TCF20: variants seen among roughly 807,000 people sequenced by gnomAD.
TCF20 encodes the protein SPRE-binding protein.
A neutral mutation model predicts 148.6 loss-of-function variants in TCF20; 3 were observed. That is an observed-to-expected ratio of 0.02 (90% CI 0.01 to 0.05). TCF20 has a LOEUF of 0.05. Ranked by LOEUF, TCF20 falls within the 10% of genes least tolerant of loss-of-function variation. The pLI, the probability that TCF20 is intolerant of heterozygous loss-of-function variation, is 1.00. For missense variants in TCF20, 2,350 were observed against 2,429.3 expected (o/e 0.97, Z 0.69); for synonymous variants, 1,049 against 909.5 (o/e 1.15, Z -2.76).
At chr22:42,227,660 A>G (rs149680644) in intron 1 of TCF20, among the ~76,000 whole-genome samples, 1 of 152,182 alleles carries the variant, frequency 6.6e-6, no homozygotes, top group Non-Finnish European at 1.5e-5. Context: ...GTGTCAATCA[A>G]TCTGGAATAG....
intron 1 of TCF20, among the ~76,000 whole-genome samples, chr22:42,326,089 G>C (rs1287389736): frequency 6.6e-6 from 1 of 151,986 alleles, no homozygotes; most frequent in Non-Finnish European, 1.5e-5. Context: ...GGGTCCCTTT[G>C]GTGAAGGAGC....
intron 2 of TCF20, among the ~76,000 whole-genome samples, chr22:42,182,158 T>C (rs1936809637): frequency 6.6e-6 from 1 of 152,216 alleles, no homozygotes; most frequent in Admixed American, 6.5e-5. Flanking sequence ...TGGGTGCTGC[T>C]GTAGAAGGGT....
upstream of TCF20, among the ~76,000 whole-genome samples, chr22:42,285,501 A>G (rs1927012176): frequency 6.6e-6 from 1 of 152,174 alleles, no homozygotes; most frequent in African/African-American, 2.4e-5. The surrounding 1 kb of genome is among the most constrained non-coding windows in gnomAD (Gnocchi z 4.2). Context: ...CATGGTACAG[A>G]ATCCACAGGA....
At chr22:42,252,969 G>A (rs971554373) in intron 1 of TCF20, among the ~76,000 whole-genome samples, 3 of 151,782 alleles carry the variant, frequency 2.0e-5, no homozygotes, top group Non-Finnish European at 4.4e-5. Flanking sequence ...GAAGTATATA[G>A]TATATATTTT....
intron 1 of TCF20, among the ~76,000 whole-genome samples, chr22:42,337,191 T>C (rs1928081920): frequency 6.6e-6 from 1 of 152,084 alleles, no homozygotes; most frequent in Admixed American, 6.6e-5. Flanking sequence ...GCCCTGACAC[T>C]GGGGTGCCTC....
intron 1 of TCF20, among the ~76,000 whole-genome samples, chr22:42,306,944 C>T (rs1927444582): frequency 6.6e-6 from 1 of 150,812 alleles, no homozygotes; most frequent in African/African-American, 2.4e-5. Flanking sequence ...GATGCTGAGG[C>T]ACGAGAATCG....
intron 1 of TCF20, among the ~76,000 whole-genome samples, chr22:42,247,793 T>C (rs2147336492): frequency 6.6e-6 from 1 of 152,288 alleles, no homozygotes; most frequent in Admixed American, 6.5e-5. Flanking sequence ...TTTAAACCAC[T>C]ACCAATCTCT....
chr22:42,228,341 A>G (rs1923095444), intron 1 of TCF20, among the ~76,000 whole-genome samples: 1 of 152,252 alleles, frequency 6.6e-6, no homozygotes. Flanking sequence ...CAACAATGAT[A>G]AACAGCAGCA....
intron 1 of TCF20, among the ~76,000 whole-genome samples, chr22:42,326,889 C>T (rs527825783): frequency 6.6e-6 from 1 of 152,272 alleles, no homozygotes; most frequent in Non-Finnish European, 1.5e-5. Context: ...GCACAAGCAC[C>T]CTGCTCTGCA....
At chr22:42,315,652 C>T (rs1927615999) in intron 1 of TCF20, among the ~76,000 whole-genome samples, 1 of 151,942 alleles carries the variant, frequency 6.6e-6, no homozygotes, top group Non-Finnish European at 1.5e-5. Flanking sequence ...TGAGGGAAGC[C>T]TAGGGGGCCA....
chr22:42,231,252 G>A (rs1017349882), intron 1 of TCF20, among the ~76,000 whole-genome samples: 1 of 152,172 alleles, frequency 6.6e-6, no homozygotes, highest in Admixed American at 6.5e-5. Context: ...GGAGGCAGAG[G>A]AGAAAGGATT....
In TCF20 at chr22:42,210,484, G is replaced by C. The variant is rs1451515773; in HGVS notation, c.4822C>G (p.Gln1608Glu). 6.2e-7 allele frequency: 1 copy of C among 1,614,184 alleles called. No individual in the cohort carries two copies. The highest frequency in any genetic ancestry group is 1.3e-5 in the African/African-American group (1 of 75,024). ...TATTTTAGTTTGATCTCAGGTTCTTGGGGTTCCACAATGGGAACTGCTTGT... is the reference window on the plus strand; with the variant it reads ...TATTTTAGTTTGATCTCAGGTTCTTCGGGTTCCACAATGGGAACTGCTTGT... ...TKQAVPIVEP[Q>E]EPEIKLKYAT... is the part of the protein sequence containing the mutation. Residue 1608 changes from glutamine to glutamate, a missense_variant, in exon 2 of 6, where the codon CAA (glutamine) becomes GAA (glutamate). Physicochemically the swap from Gln to Glu is conservative, Grantham distance 29. This residue lies in a region of TCF20 where 374 missense variants were observed against 398.3 expected (regional missense o/e 0.94). Transcript: ENST00000677622. The surrounding 1 kb of genome is among the most constrained non-coding windows in gnomAD (Gnocchi z 4.7).
At chr22:42,218,521 A>C (rs936512477) in intron 1 of TCF20, among the ~76,000 whole-genome samples, 1 of 152,192 alleles carries the variant, frequency 6.6e-6, no homozygotes, top group Non-Finnish European at 1.5e-5. Flanking sequence ...AACAAGGCTG[A>C]ATGGGGGCTA....
intron 1 of TCF20, among the ~76,000 whole-genome samples, chr22:42,244,786 T>A (rs1040466221): frequency 6.6e-6 from 1 of 152,008 alleles, no homozygotes; most frequent in Non-Finnish European, 1.5e-5. Context: ...TCATATCAAT[T>A]TAAAAAAATC....
At chr22:42,257,032 T>C (rs134872) in intron 1 of TCF20, among the ~76,000 whole-genome samples, 109,954 of 152,042 alleles carry the variant, frequency 0.72, 40,108 homozygotes, top group African/African-American at 0.79. Context: ...TGGTGGCATG[T>C]GCCTGTAGTC....
At chr22:42,311,261 C>A (rs1927531841) in intron 1 of TCF20, among the ~76,000 whole-genome samples, 1 of 152,258 alleles carries the variant, frequency 6.6e-6, no homozygotes, top group East Asian at 1.9e-4. Context: ...CAGAAGGGGG[C>A]TGCCTAAGTG....
At chr22:42,324,887 C>T (rs961794656) in intron 1 of TCF20, among the ~76,000 whole-genome samples, 1 of 152,234 alleles carries the variant, frequency 6.6e-6, no homozygotes, top group Non-Finnish European at 1.5e-5. Context: ...GAATACAAGG[C>T]ACATGGGGAA....
chr22:42,312,031 G>A (rs1927545569), intron 1 of TCF20, among the ~76,000 whole-genome samples: 3 of 152,230 alleles, frequency 2.0e-5, no homozygotes, highest in African/African-American at 7.2e-5. Flanking sequence ...CAGAGAAGGA[G>A]GAAGACATGG....
upstream of TCF20, among the ~76,000 whole-genome samples, chr22:42,275,544 T>C (rs1383488634): frequency 6.6e-6 from 1 of 152,174 alleles, no homozygotes; most frequent in Admixed American, 6.5e-5. Context: ...AATCATCCAA[T>C]TTCTTCAGCT....
Sources: gnomAD v4.1 joint callset for allele counts (sites outside exome capture counted in the v4.1 genomes callset) on GRCh38, gnomAD v4.1.1 for gene constraint, gnomAD v4.1.1 regional missense constraint, Gnocchi (gnomAD v3.1) non-coding constraint, MANE v1.5 for transcripts, NCBI Gene and HGNC (gene_info 2026-07-23, HGNC 2026-07-21) for gene names.